NPC1: variants seen among roughly 807,000 people sequenced by gnomAD.
The protein encoded by NPC1 is Niemann-Pick C1 protein.
Under a neutral mutation model 140.4 loss-of-function variants are expected in NPC1, and 85 were observed. The ratio of observed to expected loss-of-function variants is 0.61; its 90% CI spans 0.51 to 0.72. The LOEUF (loss-of-function observed/expected upper bound fraction) is 0.72, where lower values mean the gene tolerates loss of function less well. NPC1 is among the 30% of genes least tolerant of loss of function. The probability of loss-of-function intolerance (pLI) is 0.00; values close to 1 mark genes in which losing one functional copy is unlikely to be tolerated. For synonymous variants in NPC1, 656 were observed against 624.8 expected, an observed-to-expected ratio of 1.05 and a Z score of -0.74; for missense variants, 1,504 against 1,623.8, an observed-to-expected ratio of 0.93 and a Z score of 1.27.
exon 4 of NPC1, chr18:23,506,252 A>C (rs1429935): frequency 0.49 from 74,201 of 151,766 alleles, 18,345 homozygotes; most frequent in East Asian, 0.61. Context: ...AATATTATGC[A>C]ATATGTGAGT....
At chr18:23,537,146 G>A (rs1050630779) in intron 20 of NPC1, among the ~76,000 whole-genome samples, 4 of 152,008 alleles carry the variant, frequency 2.6e-5, no homozygotes, top group Non-Finnish European at 1.5e-5. Flanking sequence ...TCGGCTCACT[G>A]CAACCTCCAC....
At chr18:23,553,738 C>T (rs1431990445) in intron 9 of NPC1, among the ~76,000 whole-genome samples, 3 of 152,292 alleles carry the variant, frequency 2.0e-5, no homozygotes, top group South Asian at 2.1e-4. Flanking sequence ...CTGGGAGAAG[C>T]CTTAAGATTC....
chr18:23,555,004 A>G lies in NPC1; in HGVS notation c.1327-20T>C. On this transcript the variant is annotated intron_variant, in intron 8 of 24. Coordinates refer to ENST00000269228, the MANE Select transcript of NPC1 (RefSeq NM_000271.5). Reference sequence around the variant, plus strand: ...AAGAACCTGAAAGAAGATTTTAAAAATAAGCAAACCCAGAAACACGTCACA... The same window carrying G: ...AAGAACCTGAAAGAAGATTTTAAAAGTAAGCAAACCCAGAAACACGTCACA... 6.7e-7 allele frequency: 1 copy of G among 1,500,814 alleles called. No individual in the cohort carries two copies. Among genetic ancestry groups the G allele is most frequent in the South Asian group, 1.1e-5 (1 of 88,492 alleles). 93.0% of individuals were successfully genotyped at this position (1,500,814 alleles called of 1,614,324 possible). A position where few individuals can be genotyped will look rare whatever the true frequency, so the allele number is the denominator to read the frequency against.
intron 3 of NPC1, among the ~76,000 whole-genome samples, chr18:23,511,173 G>A (rs540864394): frequency 6.6e-6 from 1 of 152,342 alleles, no homozygotes; most frequent in South Asian, 2.1e-4. Context: ...CATGTCTTTT[G>A]TGGGAACATG....
At chr18:23,530,230 C>T, downstream of NPC1, 1 of 1,614,196 alleles carries the variant, frequency 6.2e-7, no homozygotes, top group Non-Finnish European at 8.5e-7. Context: ...GTCTTTCAGG[C>T]TTGTCTGCTG....
chr18:23,557,684 G>A (rs1039597004), intron 6 of NPC1, among the ~76,000 whole-genome samples: 1 of 152,218 alleles, frequency 6.6e-6, no homozygotes, highest in Non-Finnish European at 1.5e-5. Flanking sequence ...GGTGGTTGCA[G>A]TGAGCTGAGA....
intron 1 of NPC1, among the ~76,000 whole-genome samples, chr18:23,584,065 A>C (rs776190508): frequency 4.6e-5 from 7 of 152,350 alleles, no homozygotes; most frequent in Non-Finnish European, 7.3e-5. Flanking sequence ...GGGAAAAATA[A>C]AGGCTATGTC....
At chr18:23,572,781 C>T (rs1336187909) in intron 2 of NPC1, among the ~76,000 whole-genome samples, 1 of 152,132 alleles carries the variant, frequency 6.6e-6, no homozygotes. Flanking sequence ...CACAGTGAGC[C>T]GTGATTGTGC....
In NPC1 at chr18:23,541,109, AG is replaced by A; in HGVS notation, c.2472del (p.Tyr825IlefsTer6). 6.2e-7 allele frequency: 1 copy of A among 1,614,244 alleles called. No individual in the cohort carries two copies. The highest frequency in any genetic ancestry group is 8.5e-7 in the Non-Finnish European group (1 of 1,180,034). On this transcript the variant is annotated frameshift_variant, in exon 16 of 25. Transcript: ENST00000269228. LOFTEE classifies it high-confidence loss of function. ...CAGTCCTTTAGCAGAAGTGGAGAATAGGAGTTTTTGAAGAAGCGAAACAAAC... is the reference window on the plus strand; with the variant it reads ...CAGTCCTTTAGCAGAAGTGGAGAATAGAGTTTTTGAAGAAGCGAAACAAAC... ...ESCLFRFFKNSYSPLLLKDWM... is the reference protein window; with the variant it reads ...ESCLFRFFKNXYSPLLLKDWM...
At chr18:23,532,556 A>C (rs571650173) in intron 24 of NPC1, among the ~76,000 whole-genome samples, 3 of 152,166 alleles carry the variant, frequency 2.0e-5, no homozygotes, top group African/African-American at 7.2e-5. Context: ...TTCCTGCCTC[A>C]GCCTAACAAG....
chr18:23,524,034 A>G, intron 1 of NPC1: 1 of 1,293,458 alleles, frequency 7.7e-7, no homozygotes, highest in South Asian at 1.2e-5. Flanking sequence ...AACATTTCGT[A>G]ATGACATTAA....
intron 11 of NPC1, among the ~76,000 whole-genome samples, chr18:23,547,244 T>C (rs538325883): frequency 6.6e-6 from 1 of 152,302 alleles, no homozygotes; most frequent in East Asian, 1.9e-4. Context: ...TCCCATTCTC[T>C]AGAGGTCACA....
Position 23,548,098 on chromosome 18 carries a change from G to A in NPC1, c.1665C>T (p.Tyr555=). 6.2e-7 allele frequency: 1 copy of A among 1,604,858 alleles called. No individual in the cohort carries two copies. Among genetic ancestry groups the A allele is most frequent in the Non-Finnish European group, 8.5e-7 (1 of 1,171,814 alleles). Residue 555 remains tyrosine, a synonymous_variant, in exon 11 of 25, where the codon TAC becomes TAT. Coordinates refer to ENST00000269228, the MANE Select transcript of NPC1 (RefSeq NM_000271.5). The stretch of plus-strand genomic sequence containing the variant: ...TAATCACAAGGGCAGTGGCGTTATT[G>A]TAGTTTTGATCTAGAAAGGAAAAAT... ...LVLGGYDDQN[Y]NNATALVITF...
rs2058763448 is a variant in NPC1 at position 23,544,943 on chromosome 18, A to AACCCCCCCCCCCCCCCCCCC, written c.1947+16_1947+17insGGGGGGGGGGGGGGGGGGGT. On this transcript the variant is annotated intron_variant, in intron 12 of 24. Transcript: ENST00000269228. Reference sequence around the variant, plus strand: ...GCTGTTAACCTCTAGAACATACACCACCCCCCCCCGGCTTACCAGAAGCCT... The same window carrying AACCCCCCCCCCCCCCCCCCC: ...GCTGTTAACCTCTAGAACATACACCAACCCCCCCCCCCCCCCCCCCCCCCCCCCCGGCTTACCAGAAGCCT... 1.3e-6 allele frequency: 1 copy of AACCCCCCCCCCCCCCCCCCC among 783,212 alleles called. No individual in the cohort carries two copies. Among genetic ancestry groups the AACCCCCCCCCCCCCCCCCCC allele is most frequent in the Non-Finnish European group, 1.8e-6 (1 of 540,984 alleles). The allele number at this position is 783,212 out of a possible 1,614,324, so 48.5% of individuals were successfully genotyped here.
chr18:23,532,112 G>T lies in NPC1; in HGVS notation c.*90C>A. 6.2e-7 allele frequency: 1 copy of T among 1,613,760 alleles called. No individual in the cohort carries two copies. The highest frequency in any genetic ancestry group is 1.1e-5 in the South Asian group (1 of 91,040). ...CAACCGATGGTTGGCACCATCCGGT[G>T]TTCAACTTGGCCTTGCCGATGCAGC... On this transcript the variant is annotated 3_prime_UTR_variant, in exon 25 of 25. Coordinates refer to ENST00000269228, the MANE Select transcript of NPC1 (RefSeq NM_000271.5).
Position 23,586,489 on chromosome 18 carries a change from C to T in NPC1, c.-146G>A, listed in dbSNP as rs2059421885. Reference sequence around the variant, plus strand: ...AGGCGCTGACCGCGGCAGCAGGCTGCGCGCGCCGGTCAGGAAGGAAGAAGG... The same window carrying T: ...AGGCGCTGACCGCGGCAGCAGGCTGTGCGCGCCGGTCAGGAAGGAAGAAGG... On this transcript the variant is annotated 5_prime_UTR_variant, in exon 1 of 25. Transcript: ENST00000269228. 7 of 1,422,016 alleles carry T rather than the reference C, an allele frequency of 4.9e-6. 1 individual carries two copies. The South Asian group carries it at 9.0e-5, about 18-fold the overall frequency. The allele number at this position is 1,422,016 out of a possible 1,614,324, so 88.1% of individuals were successfully genotyped here.
intron 11 of NPC1, among the ~76,000 whole-genome samples, chr18:23,547,012 A>G (rs2058799598): frequency 6.6e-6 from 1 of 152,054 alleles, no homozygotes; most frequent in Non-Finnish European, 1.5e-5. Context: ...TTTTAGAGAC[A>G]TGCAAACATT....
At chr18:23,539,249 T>C (rs1290775205) in intron 19 of NPC1, 106 bp downstream of exon 19, 2 of 766,828 alleles carry the variant, frequency 2.6e-6, no homozygotes, top group Non-Finnish European at 4.6e-6. Context: ...AGACCCAGCT[T>C]TGATATACAA....
At position 23,541,137 on chromosome 18, in the gene NPC1, G is replaced by T. The variant is rs767708998; in HGVS notation, c.2445C>A (p.Ser815Arg). 1.7e-5 allele frequency: 28 copies of T among 1,614,022 alleles called. No homozygotes were observed. The highest frequency in any genetic ancestry group is 2.3e-5 in the Non-Finnish European group (27 of 1,180,002). The change falls in exon 16 of 25, where the codon AGC (serine) becomes AGA (arginine). Residue 815 changes from serine to arginine, a missense_variant. Transcript: ENST00000269228. ...EDGTSVQASE[S>R]CLFRFFKNSY... ...AGTTTTTGAAGAAGCGAAACAAACA[G>T]CTCTCTGAGGCCTGGACGCTTGTTC...
Sources: gnomAD v4.1 joint callset for allele counts (sites outside exome capture counted in the v4.1 genomes callset) on GRCh38, gnomAD v4.1.1 for gene constraint, MANE v1.5 for transcripts, NCBI Gene and HGNC (gene_info 2026-07-23, HGNC 2026-07-21) for gene names.